Variants in NME9 observed in about 807,000 individuals in gnomAD.
NME9 encodes the protein NME/NM23 family member 9, also known as thioredoxin domain-containing protein 6.
Under a neutral mutation model 44.4 loss-of-function variants are expected in NME9, and 48 were observed. The ratio of observed to expected loss-of-function variants is 1.08; its 90% confidence interval spans 0.86 to 1.37. NME9 has a LOEUF of 1.37. NME9 is among the 40% of genes most tolerant of loss of function. NME9 has a pLI of 0.00. For synonymous variants in NME9, 139 were observed against 147.1 expected (o/e 0.94, Z 0.40); for missense variants, 325 against 405.2 (o/e 0.80, Z 1.70).
At chr3:138,292,291 C>A (rs28606027) in intron 8 of NME9, among the ~76,000 whole-genome samples, 3 of 152,224 alleles carry the variant, frequency 2.0e-5, no homozygotes, top group Non-Finnish European at 4.4e-5. Flanking sequence ...CCACCCACCT[C>A]GGCTTCCCAA....
At chr3:138,275,567 A>C (rs1344831693) in intron 8 of NME9, among the ~76,000 whole-genome samples, 1 of 152,146 alleles carries the variant, frequency 6.6e-6, no homozygotes, top group Non-Finnish European at 1.5e-5. Context: ...TCAAAAAAAA[A>C]AAAATTCATT....
In NME9 at chr3:138,301,446, C is replaced by G. The variant is rs1421009045; in HGVS notation, c.*194G>C. The G allele has an allele frequency of 1.8e-6, 2 of 1,087,924 alleles. No individual in the cohort carries two copies. Among genetic ancestry groups the G allele is most frequent in the African/African-American group, 1.6e-5 (1 of 62,660 alleles). The allele number at this position is 1,087,924 out of a possible 1,614,324, so 67.4% of individuals were successfully genotyped here. A position where few individuals can be genotyped will look rare whatever the true frequency, so the allele number is the denominator to read the frequency against. The stretch of plus-strand genomic sequence containing the variant: ...TGTCAAACTCCTAATCTCAGGTGAT[C>G]CACCTGCCTCGGCCTCCCAAAGTGC... On this transcript the variant is annotated 3_prime_UTR_variant, in exon 11 of 11. Coordinates refer to ENST00000333911, the MANE Select transcript of NME9 (RefSeq NM_001349018.2).
intron 6 of NME9, among the ~76,000 whole-genome samples, chr3:138,311,397 G>C (rs769091834): frequency 6.6e-6 from 1 of 152,116 alleles, no homozygotes; most frequent in Non-Finnish European, 1.5e-5. Flanking sequence ...CATTCTGTGA[G>C]GCCAGAATTG....
At chr3:138,290,059 A>G (rs2050793789) in intron 8 of NME9, among the ~76,000 whole-genome samples, 1 of 152,354 alleles carries the variant, frequency 6.6e-6, no homozygotes, top group Admixed American at 6.5e-5. Context: ...ATAGAACAGA[A>G]TGATATGAAA....
At chr3:138,293,536 C>CA (rs1417440633) in intron 8 of NME9, among the ~76,000 whole-genome samples, 695 of 141,100 alleles carry the variant, frequency 4.9e-3, no homozygotes, top group African/African-American at 9.6e-3. Context: ...AAGACTGTCT[C>CA]AAAAAAAAAA....
At chr3:138,273,203 T>A (rs1321794222) in intron 8 of NME9, 2 of 1,347,512 alleles carry the variant, frequency 1.5e-6, no homozygotes, top group Middle Eastern at 1.9e-4. Context: ...CTCATTAACA[T>A]CTGCCCATGA....
chr3:138,322,981 AGCCTTG>A (rs2053564325), intron 2 of NME9, among the ~76,000 whole-genome samples: 1 of 152,230 alleles, frequency 6.6e-6, no homozygotes, highest in Admixed American at 6.5e-5. Flanking sequence ...AAAATGGTTA[AGCCTTG>A]GCACCATCAA....
chr3:138,287,298 C>G (rs1006172966), intron 8 of NME9, among the ~76,000 whole-genome samples: 1 of 152,178 alleles, frequency 6.6e-6, no homozygotes, highest in Admixed American at 6.5e-5. Context: ...TTACTTCAGA[C>G]CTTTTCAGGA....
chr3:138,291,463 C>A lies in NME9; in HGVS notation c.745+12044G>T, dbSNP rs527349603. ...ATTCATCAGATATCTCTTTTGAATACCTGCCTTCTGCCAGGCATTGTTTTA... is the reference window on the plus strand; with the variant it reads ...ATTCATCAGATATCTCTTTTGAATAACTGCCTTCTGCCAGGCATTGTTTTA... On this transcript the variant is annotated intron_variant, in intron 8 of 8. Transcript: ENST00000317876. Among the ~76,000 whole-genome samples the A allele has an allele frequency of 3.9e-5, 6 of 152,312 alleles. No individual in the cohort carries two copies. In the South Asian group the frequency reaches 1.2e-3, roughly 32 times the overall value.
At position 138,315,551 on chromosome 3, in the gene NME9, C is replaced by G; in HGVS notation, c.360G>C (p.Leu120=). The part of the protein sequence containing the change: ...LDQLEAEKKV[L]AEGRERKVIK... ...CCACTTTCCGTTCTCTGCCTTCAGC[C>G]AGCACTTTCTTTTCGGCCTCCAGCT... Residue 120 remains leucine (L), a synonymous_variant, in exon 5 of 11, where the codon CTG becomes CTC. Transcript: ENST00000333911. 6.5e-7 allele frequency: 1 copy of G among 1,536,518 alleles called. No homozygotes were observed.
intron 8 of NME9, among the ~76,000 whole-genome samples, chr3:138,272,340 G>A (rs1189984235): frequency 6.6e-6 from 1 of 152,148 alleles, no homozygotes; most frequent in Non-Finnish European, 1.5e-5. Context: ...GTGTACAGCA[G>A]GCAACTTGAT....
intron 8 of NME9, among the ~76,000 whole-genome samples, chr3:138,272,654 A>G (rs972951241): frequency 1.3e-5 from 2 of 152,204 alleles, no homozygotes; most frequent in African/African-American, 4.8e-5. Flanking sequence ...AAGCAAGTGG[A>G]TCACGAGGTC....
intron 8 of NME9, among the ~76,000 whole-genome samples, chr3:138,273,580 C>G (rs979171432): frequency 2.0e-5 from 3 of 152,108 alleles, no homozygotes; most frequent in African/African-American, 7.2e-5. Flanking sequence ...GCAGTGGATA[C>G]GTGTCAGAGT....
chr3:138,269,442 T>C (rs1197690372), intron 8 of NME9, among the ~76,000 whole-genome samples: 4 of 152,190 alleles, frequency 2.6e-5, no homozygotes, highest in African/African-American at 9.6e-5. Flanking sequence ...AGATGTAAAA[T>C]GTGGCATGAC....
chr3:138,309,699 ACT>A (rs2052553466), intron 6 of NME9, among the ~76,000 whole-genome samples: 1 of 151,346 alleles, frequency 6.6e-6, no homozygotes, highest in African/African-American at 2.4e-5. Context: ...ATGCCACTGC[ACT>A]CCAGCCTGGG....
At chr3:138,312,720 A>C (rs535958390) in intron 6 of NME9, among the ~76,000 whole-genome samples, 1 of 152,344 alleles carries the variant, frequency 6.6e-6, no homozygotes, top group Admixed American at 6.5e-5. Flanking sequence ...GTAAGACCTC[A>C]AAAGCATAGG....
chr3:138,271,650 C>A (rs2048799551), intron 8 of NME9, among the ~76,000 whole-genome samples: 1 of 152,192 alleles, frequency 6.6e-6, no homozygotes, highest in Non-Finnish European at 1.5e-5. Flanking sequence ...GGTCTCTTGA[C>A]ACATAGAGTA....
chr3:138,289,319 G>A (rs554138502), intron 8 of NME9, among the ~76,000 whole-genome samples: 1 of 152,150 alleles, frequency 6.6e-6, no homozygotes, highest in Admixed American at 6.5e-5. Context: ...TGAGTGCCCC[G>A]TTGGAGCCAA....
chr3:138,301,813 G>A, intron 10 of NME9, 109 bp from the exon 11 acceptor site: 1 of 818,954 alleles, frequency 1.2e-6, no homozygotes, highest in South Asian at 1.6e-5. Flanking sequence ...AGAGCAGGAG[G>A]GTCAGCAAAG....
Sources: gnomAD v4.1 joint callset for allele counts (sites outside exome capture counted in the v4.1 genomes callset) on GRCh38, gnomAD v4.1.1 for gene constraint, MANE v1.5 for transcripts, NCBI Gene and HGNC (gene_info 2026-07-23, HGNC 2026-07-21) for gene names.